RAD54L: variants seen among roughly 807,000 people sequenced by gnomAD.
The protein encoded by RAD54L is RAD54 like, also known as DNA repair and recombination protein RAD54-like.
In RAD54L, 74 loss-of-function variants were observed where a neutral mutation model predicts 91.6. The ratio of observed to expected loss-of-function variants is 0.81; its 90% CI spans 0.67 to 0.98. RAD54L has a LOEUF of 0.98. RAD54L is among the 50% of genes least tolerant of loss of function. The probability of loss-of-function intolerance (pLI) is 0.00; values close to 1 mark genes in which losing one functional copy is unlikely to be tolerated. For synonymous variants in RAD54L, 304 were observed against 349.7 expected (o/e 0.87, Z 1.46); for missense variants, 887 against 945.7 (o/e 0.94, Z 0.81).
Position 46,272,508 on chromosome 1 carries a change from G to A in RAD54L, c.1212G>A (p.Leu404=), listed in dbSNP as rs1419502472. 5.6e-6 allele frequency: 9 copies of A among 1,612,828 alleles called. No homozygotes were observed. Among genetic ancestry groups the A allele is most frequent in the Non-Finnish European group, 7.6e-6 (9 of 1,178,942 alleles). Residue 404 remains leucine, a synonymous_variant, in exon 11 of 18, where the codon CTG becomes CTA. Coordinates refer to ENST00000371975, the MANE Select transcript of RAD54L (RefSeq NM_003579.4). ...CTTCTGATATCCTTTCTAAATATCTGCCTGTGAAGATTGAGCAGGTCGTTT... is the reference window on the plus strand; with the variant it reads ...CTTCTGATATCCTTTCTAAATATCTACCTGTGAAGATTGAGCAGGTCGTTT... The part of the protein sequence containing the change: ...RRTSDILSKY[L]PVKIEQVVCC...
Position 46,272,548 on chromosome 1 carries a change from A to C in RAD54L, c.1244+8A>C. 1 of 1,610,284 alleles carries C rather than the reference A, an allele frequency of 6.2e-7. No homozygotes were observed. Among genetic ancestry groups the C allele is most frequent in the South Asian group, 1.1e-5 (1 of 91,012 alleles). ...GCAGGTCGTTTGTTGTAGGTACTGA[A>C]CTCAACTGAAAGATGTGGAGTGGGT... On this transcript the variant is annotated splice_region_variant and intron_variant, in intron 11 of 17. Transcript: ENST00000371975.
intron 3 of RAD54L, among the ~76,000 whole-genome samples, chr1:46,254,685 C>T (rs567570900): frequency 1.7e-4 from 25 of 151,044 alleles, no homozygotes; most frequent in South Asian, 1.0e-3. Flanking sequence ...ATCTTAGGCT[C>T]GGGTATTGCT....
Position 46,268,059 on chromosome 1 carries a change from A to AT in RAD54L, c.1042+460dup, listed in dbSNP as rs950497816. Among the ~76,000 whole-genome samples the AT allele has an allele frequency of 2.7e-4, 40 of 149,062 alleles. 1 individual carries two copies. The highest frequency in any genetic ancestry group is 2.1e-3 in the Admixed American group (32 of 14,980). On this transcript the variant is annotated intron_variant, in intron 9 of 17. Coordinates refer to ENST00000371975, the MANE Select transcript of RAD54L (RefSeq NM_003579.4). ...AACCATCACCATCATCCATCTTCAG[A>AT]TTTTTTTTTTCTATTTGCTAAACTT...
chr1:46,278,032 T>C, intron 17 of RAD54L, 40 bp from the exon 18 acceptor site: 1 of 1,614,102 alleles, frequency 6.2e-7, no homozygotes, highest in South Asian at 1.1e-5. Context: ...AGTAGGGAGA[T>C]GGGATCTGTA....
intron 16 of RAD54L, among the ~76,000 whole-genome samples, chr1:46,275,350 A>G (rs554198262): frequency 3.9e-4 from 60 of 152,272 alleles, no homozygotes; most frequent in African/African-American, 1.4e-3. Flanking sequence ...CAGAACCTTA[A>G]TAACTGTCAT....
chr1:46,269,939 C>T (rs1557705854), intron 9 of RAD54L, among the ~76,000 whole-genome samples: 1 of 151,224 alleles, frequency 6.6e-6, no homozygotes, highest in African/African-American at 2.4e-5. Context: ...CCCATCTCTA[C>T]AAAAAAAATA....
intron 16 of RAD54L, among the ~76,000 whole-genome samples, chr1:46,274,988 C>T (rs1660552122): frequency 6.6e-6 from 1 of 152,198 alleles, no homozygotes; most frequent in Non-Finnish European, 1.5e-5. Flanking sequence ...TGCTGTGTCA[C>T]TGGCCTTGTA....
chr1:46,277,671 T>G, intron 16 of RAD54L, 146 bp from the exon 17 acceptor site: 1 of 912,216 alleles, frequency 1.1e-6, no homozygotes, highest in Non-Finnish European at 1.7e-6. Flanking sequence ...CTCAGCTGAG[T>G]AGAGATAATG....
At chr1:46,273,585 GA>G (rs1660499652) in intron 13 of RAD54L, 38 bp from the exon 14 acceptor site, 1 of 1,612,560 alleles carries the variant, frequency 6.2e-7, no homozygotes, top group South Asian at 1.1e-5. Flanking sequence ...GGGCCATTGG[GA>G]CAGCCAGTAG....
intron 3 of RAD54L, among the ~76,000 whole-genome samples, chr1:46,251,173 A>C (rs747280921): frequency 1.3e-5 from 2 of 150,768 alleles, no homozygotes; most frequent in African/African-American, 4.9e-5. Flanking sequence ...TTAGCCAGGC[A>C]TGGTGGTGCA....
Position 46,278,412 on chromosome 1 carries a change from A to C in RAD54L, c.*130A>C. ...AAGAAGGGCTGCATGATGTTTGCCC[A>C]AAATTTATTTTATAAGAAAAACTTT... is the stretch of plus-strand genomic sequence containing the variant. On this transcript the variant is annotated 3_prime_UTR_variant, in exon 18 of 18. Coordinates refer to ENST00000371975, the MANE Select transcript of RAD54L (RefSeq NM_003579.4). The C allele has an allele frequency of 9.1e-7, 1 of 1,098,666 alleles. No homozygotes were observed. Among genetic ancestry groups the C allele is most frequent in the South Asian group, 1.4e-5 (1 of 70,744 alleles). 68.1% of individuals were successfully genotyped at this position (1,098,666 alleles called of 1,614,324 possible).
rs1660688750 is a variant in RAD54L at position 46,278,401 on chromosome 1, G to C, written c.*119G>C. 8.7e-7 allele frequency: 1 copy of C among 1,149,190 alleles called. No individual in the cohort carries two copies. Among genetic ancestry groups the C allele is most frequent in the Non-Finnish European group, 1.3e-6 (1 of 795,670 alleles). 71.2% of individuals were successfully genotyped at this position (1,149,190 alleles called of 1,614,324 possible). A position where few individuals can be genotyped will look rare whatever the true frequency, so the allele number is the denominator to read the frequency against. ...AGAAAATCATCAAGAAGGGCTGCAT[G>C]ATGTTTGCCCAAAATTTATTTTATA... is the stretch of plus-strand genomic sequence containing the variant. On this transcript the variant is annotated 3_prime_UTR_variant, in exon 18 of 18. Transcript: ENST00000371975.
intron 3 of RAD54L, among the ~76,000 whole-genome samples, chr1:46,251,565 C>T (rs1433021392): frequency 2.7e-5 from 4 of 149,040 alleles, no homozygotes; most frequent in Non-Finnish European, 6.0e-5. Context: ...GAGACCACCT[C>T]AAAAAAAAAA....
Position 46,277,857 on chromosome 1 carries a change from A to C in RAD54L, c.1910A>C (p.His637Pro), listed in dbSNP as rs753304857. The change falls in exon 17 of 18, where the codon CAC becomes CCC. Residue 637 changes from histidine to proline, a missense_variant. Transcript: ENST00000371975. ...GAGAAGATCTTCCAGCGTCAGAGCC[A>C]CAAGAAGGCACTGAGCAGCTGTGTG... Reference protein sequence around the residue: ...IEEKIFQRQSHKKALSSCVVD... With the variant: ...IEEKIFQRQSPKKALSSCVVD... The C allele has an allele frequency of 6.2e-7, 1 of 1,612,816 alleles. No individual in the cohort carries two copies. The highest frequency in any genetic ancestry group is 1.7e-5 in the Admixed American group (1 of 59,994).
rs983561341 is a variant in RAD54L, at chr1:46,275,289, C to G, written c.1869+572C>G. Among the ~76,000 whole-genome samples the G allele has an allele frequency of 3.7e-4, 57 of 152,190 alleles. 1 individual carries two copies. Among genetic ancestry groups the G allele is most frequent in the Non-Finnish European group, 5.9e-5 (4 of 68,042 alleles). On this transcript the variant is annotated intron_variant, in intron 16 of 17. Coordinates refer to ENST00000371975, the MANE Select transcript of RAD54L (RefSeq NM_003579.4). ...CATGTTTCCTTGACCTCATCTCAAC[C>G]CCGCTTCGTCTAATTATTCCTAAGA...
chr1:46,258,857 T>G lies in RAD54L; in HGVS notation c.271+111T>G, dbSNP rs1356553408. The G allele has an allele frequency of 5.6e-6, 5 of 896,778 alleles. No homozygotes were observed. In the East Asian group the frequency reaches 1.3e-4, roughly 23 times the overall value. The allele number at this position is 896,778 out of a possible 1,614,324, so 55.6% of individuals were successfully genotyped here. A position where few individuals can be genotyped will look rare whatever the true frequency, so the allele number is the denominator to read the frequency against. On this transcript the variant is annotated intron_variant, in intron 4 of 17. Transcript: ENST00000371975. The stretch of plus-strand genomic sequence containing the variant: ...CTTAGCTGGGAATTGAAGGTGCCAG[T>G]CCAGCGGTGGCTGTGTTTGGGGTGA...
intron 3 of RAD54L, among the ~76,000 whole-genome samples, chr1:46,258,368 T>C (rs1160648047): frequency 6.6e-6 from 1 of 152,072 alleles, no homozygotes; most frequent in Non-Finnish European, 1.5e-5. Flanking sequence ...ATGACAGTGG[T>C]TAAACCCAGA....
At chr1:46,264,846 G>T (rs1322862220) in intron 8 of RAD54L, among the ~76,000 whole-genome samples, 2 of 152,198 alleles carry the variant, frequency 1.3e-5, no homozygotes, top group African/African-American at 4.8e-5. Context: ...GTATGGAAGG[G>T]TTGTCCCTGT....
chr1:46,270,897 TG>T, intron 10 of RAD54L, 112 bp downstream of exon 10: 4 of 1,436,084 alleles, frequency 2.8e-6, no homozygotes, highest in Non-Finnish European at 3.9e-6. Context: ...AGGAAGGGAG[TG>T]GGTTCTGTGT....
Sources: gnomAD v4.1 joint callset for allele counts (sites outside exome capture counted in the v4.1 genomes callset) on GRCh38, gnomAD v4.1.1 for gene constraint, MANE v1.5 for transcripts, NCBI Gene and HGNC (gene_info 2026-07-23, HGNC 2026-07-21) for gene names.